The following NACA variants were observed in gnomAD, a reference collection of about 807,000 sequenced individuals.
NACA encodes nascent polypeptide associated complex subunit alpha, also known as nascent polypeptide-associated complex subunit alpha.
In NACA, 42 loss-of-function variants were observed where a neutral mutation model predicts 86.4. That is an observed-to-expected ratio of 0.49 (90% CI 0.38 to 0.63). The LOEUF (loss-of-function observed/expected upper bound fraction) is 0.63. Among genes scored for constraint, NACA ranks in the 20% least tolerant of loss-of-function variants. NACA has a pLI of 0.00. For missense variants in NACA, 2,157 were observed against 2,483.6 expected, an observed-to-expected ratio of 0.87 and a Z score of 2.80; for synonymous variants, 898 against 973.7, an observed-to-expected ratio of 0.92 and a Z score of 1.45.
Position 56,719,910 on chromosome 12 carries a change from T to C in NACA, c.1620A>G (p.Glu540=). 6.2e-7 allele frequency: 1 copy of C among 1,613,904 alleles called. No individual in the cohort carries two copies. The highest frequency in any genetic ancestry group is 8.5e-7 in the Non-Finnish European group (1 of 1,179,852). ...CTTGGGCTGGAGAGAAAGGGGCTCC[T>C]TCAAGAGAGGCAGGTACAGTTTGGA... ...KDLQTVPASL[E]GAPFSPAQAG... The change falls in exon 3 of 9, where the codon GAA becomes GAG. Residue 540 remains glutamate, a synonymous_variant. Coordinates refer to ENST00000454682, the MANE Select transcript of NACA (RefSeq NM_001365896.1).
At chr12:56,713,724 G>C (rs749155145) in intron 5 of NACA, 41 bp from the exon 6 acceptor site, 15 of 1,593,084 alleles carry the variant, frequency 9.4e-6, no homozygotes, top group Non-Finnish European at 1.2e-5. Flanking sequence ...AACCTCTTTA[G>C]AAGCAGCCTA....
In NACA at chr12:56,716,580, G is replaced by T. The variant is rs201015074; in HGVS notation, c.4950C>A (p.Ser1650=). 8 of 1,455,532 alleles carry T rather than the reference G, an allele frequency of 5.5e-6. No individual in the cohort carries two copies. Among genetic ancestry groups the T allele is most frequent in the African/African-American group, 1.4e-5 (1 of 71,856 alleles). The allele number at this position is 1,455,532 out of a possible 1,614,324, so 90.2% of individuals were successfully genotyped here. A position where few individuals can be genotyped will look rare whatever the true frequency, so the allele number is the denominator to read the frequency against. ...PPVTPSSLKD[S]PTSPASVTCK... ...ATGTGACAGAAGCTGGGGAAGTAGG[G>T]GAGTCTTTGAGGGAGGAAGGAGTCA... The change falls in exon 3 of 9, where the codon TCC becomes TCA. Residue 1650 remains serine, a synonymous_variant. Coordinates refer to ENST00000454682, the MANE Select transcript of NACA (RefSeq NM_001365896.1).
chr12:56,718,452 G>C lies in NACA; in HGVS notation c.3078C>G (p.Thr1026=). The C allele has an allele frequency of 8.1e-7, 1 of 1,237,744 alleles. No individual in the cohort carries two copies. The highest frequency in any genetic ancestry group is 1.0e-6 in the Non-Finnish European group (1 of 972,908). The allele number at this position is 1,237,744 out of a possible 1,614,324, so 76.7% of individuals were successfully genotyped here. A position where few individuals can be genotyped will look rare whatever the true frequency, so the allele number is the denominator to read the frequency against. ...GTGTGGATGCCCCTTTGGGGAATGG[G>C]GTAGCTGCTGGACTTCCTTTGGGGG... ...PPSPKGSPAA[T]PFPKGASTPP... Residue 1026 remains threonine, a synonymous_variant, in exon 3 of 9, where the codon ACC becomes ACG. Coordinates refer to ENST00000454682, the MANE Select transcript of NACA (RefSeq NM_001365896.1).
At chr12:56,713,928 G>T in intron 5 of NACA, 1 of 454,682 alleles carries the variant, frequency 2.2e-6, no homozygotes, top group Non-Finnish European at 3.9e-6. Context: ...TGTAATGTCC[G>T]TCTCCCAGGT....
At position 56,714,654 on chromosome 12, in the gene NACA, A is replaced by T. The variant is rs765191035; in HGVS notation, c.5693T>A (p.Val1898Glu). 1 of 1,614,212 alleles carries T rather than the reference A, an allele frequency of 6.2e-7. No homozygotes were observed. The highest frequency in any genetic ancestry group is 2.2e-5 in the East Asian group (1 of 44,884). Reference protein sequence around the residue: ...SGTESDSDESVPELEEQDSTQ... With the variant: ...SGTESDSDESEPELEEQDSTQ... The stretch of plus-strand genomic sequence containing the variant: ...GGAATCCTGTTCTTCAAGCTCTGGT[A>T]CTGATTCATCACTGTCAGATTCTGT... Residue 1898 changes from valine (V) to glutamate (E), a missense_variant, in exon 4 of 9, where the codon GTA becomes GAA. By Grantham distance (121) the Val-to-Glu change is moderately radical. Coordinates refer to ENST00000454682, the MANE Select transcript of NACA (RefSeq NM_001365896.1).
Position 56,716,892 on chromosome 12 carries a change from C to T in NACA, c.4638G>A (p.Glu1546=). The T allele has an allele frequency of 4.6e-6, 6 of 1,300,264 alleles. No homozygotes were observed. The highest frequency in any genetic ancestry group is 6.0e-6 in the Non-Finnish European group (6 of 1,004,294). The allele number at this position is 1,300,264 out of a possible 1,614,324, so 80.5% of individuals were successfully genotyped here. A position where few individuals can be genotyped will look rare whatever the true frequency, so the allele number is the denominator to read the frequency against. Residue 1546 remains glutamate, a synonymous_variant, in exon 3 of 9, where the codon GAG becomes GAA. Transcript: ENST00000454682. ...KKTPATLAPK[E]ALIPPAMTVP... ...CAGTCATAGCTGGGGGAATGAGGGC[C>T]TCTTTGGGGGCTAGAGTTGCTGGGG...
chr12:56,724,749 G>C (rs1041196685), intron 1 of NACA: 6 of 531,568 alleles, frequency 1.1e-5, no homozygotes, highest in African/African-American at 1.9e-5. Context: ...CAACCCGAGG[G>C]AGAGGATCCC....
rs1256664204 is a variant in NACA, at chr12:56,720,596, A to G, written c.934T>C (p.Leu312=). The change falls in exon 3 of 9, where the codon TTA becomes CTA. Residue 312 remains leucine, a synonymous_variant. Transcript: ENST00000454682. The stretch of plus-strand genomic sequence containing the variant: ...ACAGAACCAAAAGAACTCTGATGTA[A>G]AGGTGCAAGATGAGAGCCCAGAGAA... ...PISLGSHLAP[L]HQSSFGSVQL... is the part of the protein sequence containing the mutation. 1 of 1,613,978 alleles carries G rather than the reference A, an allele frequency of 6.2e-7. No homozygotes were observed. The highest frequency in any genetic ancestry group is 8.5e-7 in the Non-Finnish European group (1 of 1,179,902).
chr12:56,720,280 C>T lies in NACA; in HGVS notation c.1250G>A (p.Ser417Asn), dbSNP rs1245212580. Residue 417 changes from serine to asparagine, a missense_variant, in exon 3 of 9, where the codon AGC (serine) becomes AAC (asparagine). Ser to Asn is a conservative substitution (Grantham distance 46). This residue lies in a region of NACA where 947 missense variants were observed against 917.9 expected (regional missense o/e 1.03). Transcript: ENST00000454682. ...ATAATGATAAGTGGCATTAGGAGAG[C>T]TTTTGAGAATGAGAGAGGTTGTAGG... ...LSPTTSLILK[S>N]SPNATYHYPL... The T allele has an allele frequency of 6.2e-7, 1 of 1,613,726 alleles. No individual in the cohort carries two copies. The highest frequency in any genetic ancestry group is 8.5e-7 in the Non-Finnish European group (1 of 1,179,884).
At position 56,714,278 on chromosome 12, in the gene NACA, G is replaced by T. The variant is rs1953288428; in HGVS notation, c.5823+84C>A. The T allele has an allele frequency of 4.2e-6, 6 of 1,435,630 alleles. No individual in the cohort carries two copies. In the South Asian group the frequency reaches 7.2e-5, roughly 17 times the overall value. 88.9% of individuals were successfully genotyped at this position (1,435,630 alleles called of 1,614,324 possible). On this transcript the variant is annotated intron_variant, in intron 5 of 8. Transcript: ENST00000454682. Reference sequence around the variant, plus strand: ...TACTTGTATAACCAAAATACCACCTGTTCCCCAAAAACCTATGGAAATAAA... The same window carrying T: ...TACTTGTATAACCAAAATACCACCTTTTCCCCAAAAACCTATGGAAATAAA...
chr12:56,712,500 A>G lies in NACA; in HGVS notation c.*38T>C. On this transcript the variant is annotated 3_prime_UTR_variant, in exon 9 of 9. Transcript: ENST00000454682. ...ACAAATTTCAAACCAAGCTGCAGTT[A>G]CTCCTTTGAGACACCAAAAAAAGTT... 1 of 1,591,778 alleles carries G rather than the reference A, an allele frequency of 6.3e-7. No individual in the cohort carries two copies. The highest frequency in any genetic ancestry group is 2.2e-5 in the East Asian group (1 of 44,780).
At chr12:56,714,803 A>G in intron 3 of NACA, 116 bp from the exon 4 acceptor site, 1 of 921,414 alleles carries the variant, frequency 1.1e-6, no homozygotes, top group Non-Finnish European at 1.7e-6. Flanking sequence ...AGAATGTTAA[A>G]TGTAAACCAA....
chr12:56,712,959 G>A (rs1002075686), intron 7 of NACA, 51 bp from the exon 8 acceptor site: 31 of 1,612,814 alleles, frequency 1.9e-5, no homozygotes, highest in Non-Finnish European at 2.5e-5. Context: ...AACAATTTCA[G>A]CAGTTCTTTG....
rs781056521 is a variant in NACA at position 56,720,829 on chromosome 12, G to A, written c.701C>T (p.Thr234Ile). The change falls in exon 3 of 9, where the codon ACA becomes ATA. Residue 234 changes from threonine to isoleucine, a missense_variant. Physicochemically the swap from Thr to Ile is moderately conservative, Grantham distance 89 (BLOSUM62 -1). Transcript: ENST00000454682. The part of the protein sequence containing the change: ...QSGVASLPQT[T>I]PTTTLAIASP... ...AGCGATGGCTAGGGTAGTTGTGGGT[G>A]TTGTCTGAGGAAGGGAGGCCACTCC... The A allele has an allele frequency of 1.2e-6, 2 of 1,614,012 alleles. No homozygotes were observed. The highest frequency in any genetic ancestry group is 3.3e-5 in the Admixed American group (2 of 60,022).
intron 1 of NACA, 76 bp from the exon 2 acceptor site, chr12:56,724,599 T>C (rs1953662065): frequency 4.7e-6 from 7 of 1,479,092 alleles, no homozygotes; most frequent in Non-Finnish European, 6.4e-6. Flanking sequence ...ATAAGTATTC[T>C]TAAAAACTCC....
Position 56,719,309 on chromosome 12 carries a change from G to A in NACA, c.2221C>T (p.Pro741Ser). The change falls in exon 3 of 9, where the codon CCA (proline) becomes TCA (serine). Residue 741 changes from proline (P) to serine (S), a missense_variant. By Grantham distance (74) the Pro-to-Ser change is moderately conservative. This residue lies in a region of NACA where 947 missense variants were observed against 917.9 expected (regional missense o/e 1.03). Coordinates refer to ENST00000454682, the MANE Select transcript of NACA (RefSeq NM_001365896.1). ...TTTGTACCTGGAGGAGTCCCAGCTG[G>A]GGGAAGAGAGGGTGAGGGCACAGAC... ...PKSVPSPSLP[P>S]AGTPPGTKKV... 1 of 1,601,946 alleles carries A rather than the reference G, an allele frequency of 6.2e-7. No homozygotes were observed. The highest frequency in any genetic ancestry group is 1.1e-5 in the South Asian group (1 of 89,994).
chr12:56,722,402 T>C (rs1258228566), intron 2 of NACA, among the ~76,000 whole-genome samples: 2 of 152,112 alleles, frequency 1.3e-5, no homozygotes, highest in Admixed American at 1.3e-4. Flanking sequence ...AAGAAGAGAA[T>C]TGGAGAGCCT....
At position 56,714,276 on chromosome 12, in the gene NACA, C is replaced by A. The variant is rs144912354; in HGVS notation, c.5823+86G>T. The stretch of plus-strand genomic sequence containing the variant: ...CTTACTTGTATAACCAAAATACCAC[C>A]TGTTCCCCAAAAACCTATGGAAATA... On this transcript the variant is annotated intron_variant, in intron 5 of 8. Transcript: ENST00000454682. 6.2e-3 allele frequency: 8,802 copies of A among 1,417,456 alleles called. 42 individuals are homozygous for A. The highest frequency in any genetic ancestry group is 9.8e-3 in the Middle Eastern group (51 of 5,224). 87.8% of individuals were successfully genotyped at this position (1,417,456 alleles called of 1,614,324 possible).
At position 56,712,522 on chromosome 12, in the gene NACA, A is replaced by T; in HGVS notation, c.*16T>A. Reference sequence around the variant, plus strand: ...GTTACTCCTTTGAGACACCAAAAAAAGTTGCTTCCATATGGTTACATTGTT... The same window carrying T: ...GTTACTCCTTTGAGACACCAAAAAATGTTGCTTCCATATGGTTACATTGTT... On this transcript the variant is annotated 3_prime_UTR_variant, in exon 9 of 9. Coordinates refer to ENST00000454682, the MANE Select transcript of NACA (RefSeq NM_001365896.1). The T allele has an allele frequency of 6.2e-7, 1 of 1,612,344 alleles. No individual in the cohort carries two copies. The highest frequency in any genetic ancestry group is 1.1e-5 in the South Asian group (1 of 90,918).
Sources: gnomAD v4.1 joint callset for allele counts (sites outside exome capture counted in the v4.1 genomes callset) on GRCh38, gnomAD v4.1.1 for gene constraint, gnomAD v4.1.1 regional missense constraint, MANE v1.5 for transcripts, NCBI Gene and HGNC (gene_info 2026-07-23, HGNC 2026-07-21) for gene names.